The following VTI1A variants were observed in gnomAD, a reference collection of about 807,000 sequenced individuals.
The protein encoded by VTI1A is vesicle transport through interaction with t-SNAREs homolog 1A.
In VTI1A, 22 loss-of-function variants were observed where a neutral mutation model predicts 34.9. The ratio of observed to expected loss-of-function variants is 0.63; its 90% CI spans 0.45 to 0.90. The LOEUF (loss-of-function observed/expected upper bound fraction) is 0.90. Among genes scored for constraint, VTI1A ranks in the 40% least tolerant of loss-of-function variants. VTI1A has a pLI of 0.00. For missense variants in VTI1A, 268 were observed against 275.6 expected, an observed-to-expected ratio of 0.97 and a Z score of 0.20; for synonymous variants, 87 against 97.3, an observed-to-expected ratio of 0.89 and a Z score of 0.62.
intron 5 of VTI1A, among the ~76,000 whole-genome samples, chr10:112,624,832 C>G (rs1479956310): frequency 6.6e-6 from 1 of 152,136 alleles, no homozygotes; most frequent in Non-Finnish European, 1.5e-5. Context: ...CATGGTAGCG[C>G]AGGCCTGTGA....
chr10:112,675,307 A>G (rs888838569), intron 7 of VTI1A, among the ~76,000 whole-genome samples: 1 of 152,212 alleles, frequency 6.6e-6, no homozygotes, highest in Non-Finnish European at 1.5e-5. Flanking sequence ...ACCACGGGTA[A>G]ATATCATCAG....
At chr10:112,662,548 G>T (rs1476523680) in intron 5 of VTI1A, among the ~76,000 whole-genome samples, 1 of 151,882 alleles carries the variant, frequency 6.6e-6, no homozygotes, top group African/African-American at 2.4e-5. Flanking sequence ...TATTTTCACC[G>T]ATTATGTTTA....
At chr10:112,532,443 T>G (rs1251436497) in intron 4 of VTI1A, among the ~76,000 whole-genome samples, 1 of 152,172 alleles carries the variant, frequency 6.6e-6, no homozygotes, top group Non-Finnish European at 1.5e-5. Flanking sequence ...TGTTACAACA[T>G]AGGTTTCAGT....
chr10:112,530,493 T>G (rs1287121157), intron 4 of VTI1A, among the ~76,000 whole-genome samples: 3 of 152,130 alleles, frequency 2.0e-5, no homozygotes, highest in Non-Finnish European at 4.4e-5. Flanking sequence ...AGTGTGATAA[T>G]GGGGCAAATA....
At chr10:112,830,849 A>ATATTTTTTTTTTTTTTTTTT in the VTI1A span, among the ~76,000 whole-genome samples, 1 of 33,498 alleles carries the variant, frequency 3.0e-5, no homozygotes, top group East Asian at 1.5e-3. Flanking sequence ...ATATATATAT[A>ATATTTTTTTTTTTTTTTTTT]TTTTTTTTTT....
rs1317219679 is a variant in VTI1A at position 112,494,606 on chromosome 10, T to C, written c.264+29949T>C. On this transcript the variant is annotated intron_variant, in intron 3 of 7. Transcript: ENST00000393077. ...TCACTGCAACCTCCGCCTCCCAGGT[T>C]CAAGTGATTCTCCTGCCTCAGCCTC... Among the ~76,000 whole-genome samples, 5 of 152,166 alleles carry C rather than the reference T, an allele frequency of 3.3e-5. No homozygotes were observed. In the East Asian group the frequency reaches 9.6e-4, roughly 29 times the overall value.
At chr10:112,557,046 T>A (rs576044928) in intron 5 of VTI1A, among the ~76,000 whole-genome samples, 1 of 152,208 alleles carries the variant, frequency 6.6e-6, no homozygotes, top group African/African-American at 2.4e-5. Context: ...TTGAATAAAA[T>A]AACTTTACTA....
At chr10:112,665,040 C>T (rs1847592838) in intron 5 of VTI1A, among the ~76,000 whole-genome samples, 1 of 152,144 alleles carries the variant, frequency 6.6e-6, no homozygotes, top group Non-Finnish European at 1.5e-5. Context: ...TCTTAAGGCC[C>T]TATGGAAGTT....
intron 7 of VTI1A, among the ~76,000 whole-genome samples, chr10:112,748,620 CT>C (rs561301572): frequency 0.013 from 1,314 of 104,896 alleles, 1 homozygote; most frequent in East Asian, 0.039. Flanking sequence ...ATTTAGAAAC[CT>C]TTTTTTTTTT....
At chr10:112,578,890 G>A (rs1260370071) in intron 5 of VTI1A, among the ~76,000 whole-genome samples, 2 of 152,206 alleles carry the variant, frequency 1.3e-5, no homozygotes, top group Non-Finnish European at 2.9e-5. Context: ...CTGCAGGCCA[G>A]CAACAGTGGT....
intron 7 of VTI1A, among the ~76,000 whole-genome samples, chr10:112,692,926 C>A (rs750753906): frequency 6.6e-6 from 1 of 152,158 alleles, no homozygotes; most frequent in Non-Finnish European, 1.5e-5. Flanking sequence ...TCTGCCTCAC[C>A]GTGTCAGTAA....
chr10:112,808,624 C>CAAAAA (rs760656671), intron 7 of VTI1A, among the ~76,000 whole-genome samples: 1 of 59,572 alleles, frequency 1.7e-5, no homozygotes, highest in East Asian at 4.7e-4. Context: ...GACTCCATCT[C>CAAAAA]AAAAAAAAAA....
intron 5 of VTI1A, among the ~76,000 whole-genome samples, chr10:112,562,138 G>A (rs950993646): frequency 1.3e-5 from 2 of 152,136 alleles, no homozygotes; most frequent in East Asian, 3.9e-4. Context: ...TCCAGTACTT[G>A]TCATATATTC....
At chr10:112,475,390 A>C (rs902002918) in intron 3 of VTI1A, among the ~76,000 whole-genome samples, 1 of 152,256 alleles carries the variant, frequency 6.6e-6, no homozygotes, top group Non-Finnish European at 1.5e-5. Flanking sequence ...AGTTTATGTC[A>C]GATTCCTGAT....
chr10:112,818,447 T>C lies in VTI1A; in HGVS notation c.*3064T>C, dbSNP rs1039320556. 5 of 231,456 alleles carry C rather than the reference T, an allele frequency of 2.2e-5. No individual in the cohort carries two copies. Among genetic ancestry groups the C allele is most frequent in the Non-Finnish European group, 3.4e-5 (4 of 116,852 alleles). 14.3% of individuals were successfully genotyped at this position (231,456 alleles called of 1,614,324 possible). A position where few individuals can be genotyped will look rare whatever the true frequency, so the allele number is the denominator to read the frequency against. On this transcript the variant is annotated 3_prime_UTR_variant, in exon 8 of 8. Transcript: ENST00000393077. ...AAGCAACTGTCTTTCTCTCCCTCTCTTTCTCCTTTTTTTTTGCACATCTTT... is the reference window on the plus strand; with the variant it reads ...AAGCAACTGTCTTTCTCTCCCTCTCCTTCTCCTTTTTTTTTGCACATCTTT...
chr10:112,546,566 C>T (rs1006777948), intron 5 of VTI1A, among the ~76,000 whole-genome samples: 13 of 152,090 alleles, frequency 8.5e-5, no homozygotes, highest in East Asian at 1.9e-4. Flanking sequence ...ATTACTTGTC[C>T]GCTAGAATAG....
intron 7 of VTI1A, among the ~76,000 whole-genome samples, chr10:112,673,315 CAAA>C (rs745306451): frequency 5.8e-5 from 4 of 68,896 alleles, no homozygotes; most frequent in Non-Finnish European, 8.9e-5. Context: ...GACTCCATCT[CAAA>C]AAAAAAAAAA....
intron 7 of VTI1A, among the ~76,000 whole-genome samples, chr10:112,777,866 GC>G (rs1447429922): frequency 6.6e-6 from 1 of 152,196 alleles, no homozygotes; most frequent in African/African-American, 2.4e-5. Context: ...ACTTTGGGAG[GC>G]CGAGACAGGT....
intron 5 of VTI1A, among the ~76,000 whole-genome samples, chr10:112,598,219 G>C (rs1017926867): frequency 6.6e-6 from 1 of 152,174 alleles, no homozygotes; most frequent in Admixed American, 6.5e-5. Context: ...TGGGCACCTT[G>C]ATTTTTGGCT....
Sources: gnomAD v4.1 joint callset for allele counts (sites outside exome capture counted in the v4.1 genomes callset) on GRCh38, gnomAD v4.1.1 for gene constraint, MANE v1.5 for transcripts, NCBI Gene and HGNC (gene_info 2026-07-23, HGNC 2026-07-21) for gene names.